The following AGBL1 variants were observed in gnomAD, a reference collection of about 807,000 sequenced individuals.
AGBL1 encodes AGBL carboxypeptidase 1, also known as cytosolic carboxypeptidase 4.
A neutral mutation model predicts 118.9 loss-of-function variants in AGBL1; 130 were observed. The ratio of observed to expected loss-of-function variants is 1.09; its 90% CI spans 0.95 to 1.26. AGBL1 has a LOEUF of 1.26. Ranked by LOEUF, AGBL1 falls within the 50% of genes most tolerant of loss-of-function variation. AGBL1 has a pLI of 0.00. For synonymous variants in AGBL1, 555 were observed against 478.9 expected (o/e 1.16, Z -2.08); for missense variants, 1,584 against 1,298.1 (o/e 1.22, Z -3.38).
At chr15:86,227,159 G>T (rs1208309668) in intron 6 of AGBL1, among the ~76,000 whole-genome samples, 1 of 152,012 alleles carries the variant, frequency 6.6e-6, no homozygotes, top group Non-Finnish European at 1.5e-5. Flanking sequence ...TAGAACCAAT[G>T]ATCTAAACAT....
chr15:86,149,023 A>C (rs1368735094), intron 3 of AGBL1, among the ~76,000 whole-genome samples: 1 of 152,192 alleles, frequency 6.6e-6, no homozygotes, highest in Non-Finnish European at 1.5e-5. Flanking sequence ...TACCCAGCCA[A>C]ACTATGCTTC....
intron 22 of AGBL1, among the ~76,000 whole-genome samples, chr15:86,821,834 C>T (rs1463974760): frequency 6.6e-6 from 1 of 152,166 alleles, no homozygotes; most frequent in East Asian, 1.9e-4. Flanking sequence ...CTCAGCTTCA[C>T]TTATCTCTGG....
intron 22 of AGBL1, among the ~76,000 whole-genome samples, chr15:86,686,594 C>T (rs778353625): frequency 1.2e-4 from 18 of 152,020 alleles, no homozygotes; most frequent in Admixed American, 3.3e-4. Context: ...TGTGCTACCA[C>T]GCCCAGCTAA....
At chr15:86,500,755 G>T (rs2082908731) in intron 18 of AGBL1, among the ~76,000 whole-genome samples, 1 of 151,646 alleles carries the variant, frequency 6.6e-6, no homozygotes, top group Admixed American at 6.6e-5. Context: ...TATAATGTAT[G>T]GCCTTTTATG....
At chr15:86,526,176 G>A (rs1072288) in intron 19 of AGBL1, among the ~76,000 whole-genome samples, 1 of 151,836 alleles carries the variant, frequency 6.6e-6, no homozygotes, top group African/African-American at 2.4e-5. Flanking sequence ...ACCACTTTAC[G>A]CCAGTAAGAA....
Position 86,143,771 on chromosome 15 carries a change from C to T in AGBL1, c.188C>T (p.Thr63Ile). ...SEALLQTLVD[T>I]ARTAPPDYDI... ...GCTCTTCTGCAGACCCTGGTAGACA[C>T]AGCGAGGACAGCTCCTCCAGACTAT... The change falls in exon 3 of 23, where the codon ACA (threonine) becomes ATA (isoleucine). Residue 63 changes from threonine (T) to isoleucine (I), a missense_variant. Physicochemically the swap from Thr to Ile is moderately conservative, Grantham distance 89. Coordinates refer to ENST00000614907, the MANE Select transcript of AGBL1 (RefSeq NM_001386094.1). The T allele has an allele frequency of 6.2e-7, 1 of 1,613,928 alleles. No individual in the cohort carries two copies. The highest frequency in any genetic ancestry group is 8.5e-7 in the Non-Finnish European group (1 of 1,179,820).
chr15:86,727,409 A>G (rs929590195), intron 22 of AGBL1, among the ~76,000 whole-genome samples: 49 of 152,166 alleles, frequency 3.2e-4, no homozygotes, highest in Non-Finnish European at 4.4e-4. Flanking sequence ...AAGAGATATC[A>G]TTAATTTTTT....
intron 19 of AGBL1, among the ~76,000 whole-genome samples, chr15:86,534,324 C>A (rs1028835464): frequency 6.6e-6 from 1 of 152,094 alleles, no homozygotes; most frequent in Non-Finnish European, 1.5e-5. Flanking sequence ...TTAGAAGTAC[C>A]ATTTGAGCTG....
intron 5 of AGBL1, among the ~76,000 whole-genome samples, chr15:86,200,121 G>C (rs2077879787): frequency 6.6e-6 from 1 of 152,172 alleles, no homozygotes; most frequent in African/African-American, 2.4e-5. Flanking sequence ...TTGTTTGAAG[G>C]TCCAGAGCTG....
In AGBL1 at chr15:86,998,909, A is replaced by C. The variant is rs541103298; in HGVS notation, c.3323+10821A>C. 4.6e-5 allele frequency among the ~76,000 whole-genome samples: 7 copies of C among 150,726 alleles called. No homozygotes were observed. In the East Asian group the frequency reaches 1.4e-3, roughly 29 times the overall value. Reference sequence around the variant, plus strand: ...TTAAGTTCTAGGGTACATGTGCACAACATGCAGGTTTGTTACATATGTATA... The same window carrying C: ...TTAAGTTCTAGGGTACATGTGCACACCATGCAGGTTTGTTACATATGTATA... On this transcript the variant is annotated intron_variant, in intron 24 of 24. Transcript: ENST00000441037.
chr15:86,952,327 A>G (rs963963674), intron 23 of AGBL1, among the ~76,000 whole-genome samples: 2 of 151,704 alleles, frequency 1.3e-5, no homozygotes, highest in African/African-American at 4.8e-5. Flanking sequence ...CTTTTCATCT[A>G]TTTGCTTATT....
intron 17 of AGBL1, among the ~76,000 whole-genome samples, chr15:86,359,836 T>C (rs989814556): frequency 2.0e-5 from 3 of 151,972 alleles, no homozygotes; most frequent in Admixed American, 1.3e-4. Context: ...TGGGGTTCTT[T>C]CTTAATTTTC....
chr15:86,546,222 T>G (rs1233124003), intron 20 of AGBL1, 89 bp downstream of exon 20: 4 of 639,006 alleles, frequency 6.3e-6, no homozygotes, highest in African/African-American at 4.4e-5. Context: ...ATTTATTTAG[T>G]TTTTTTTTTT....
chr15:86,424,172 A>G (rs1424524473), intron 18 of AGBL1, among the ~76,000 whole-genome samples: 3 of 152,188 alleles, frequency 2.0e-5, no homozygotes, highest in Admixed American at 6.5e-5. Context: ...TGGTAATGGT[A>G]CTGGTACCAA....
chr15:86,480,371 A>C (rs1168113427), intron 18 of AGBL1, among the ~76,000 whole-genome samples: 1 of 152,154 alleles, frequency 6.6e-6, no homozygotes, highest in Non-Finnish European at 1.5e-5. Flanking sequence ...TAATTTTCAA[A>C]GCACTCAAAG....
At chr15:86,675,264 C>T (rs1027715000) in intron 22 of AGBL1, among the ~76,000 whole-genome samples, 3 of 152,032 alleles carry the variant, frequency 2.0e-5, no homozygotes, top group African/African-American at 7.2e-5. Flanking sequence ...ACTTCACGTC[C>T]AAAGGCAGAG....
chr15:86,876,401 G>T (rs183743078), intron 22 of AGBL1, among the ~76,000 whole-genome samples: 10 of 152,198 alleles, frequency 6.6e-5, no homozygotes, highest in Non-Finnish European at 1.5e-5. Flanking sequence ...GGAGCCAGGG[G>T]ACTGGAGGTG....
At chr15:86,374,805 G>T (rs1012996111) in intron 17 of AGBL1, among the ~76,000 whole-genome samples, 2 of 152,162 alleles carry the variant, frequency 1.3e-5, no homozygotes, top group Admixed American at 1.3e-4. Flanking sequence ...TTAGAACCCA[G>T]CCTTTAGGAC....
At chr15:87,001,875 T>G (rs763463823) in intron 24 of AGBL1, among the ~76,000 whole-genome samples, 3 of 152,120 alleles carry the variant, frequency 2.0e-5, no homozygotes, top group Non-Finnish European at 4.4e-5. Flanking sequence ...TCTGGATGTA[T>G]TAGCCCTTTG....
Sources: allele counts gnomAD v4.1 joint callset (sites outside exome capture counted in the v4.1 genomes callset), GRCh38; gene constraint gnomAD v4.1.1; transcripts MANE v1.5; gene names NCBI Gene and HGNC (gene_info 2026-07-23, HGNC 2026-07-21).